The following CYREN variants were observed in gnomAD, a reference collection of about 807,000 sequenced individuals.
The protein encoded by CYREN is cell cycle regulator of non-homologous end joining.
CYREN carries 7 observed loss-of-function variants against 9.7 expected under a neutral mutation model. The observed-to-expected ratio is 0.72, with a 90% confidence interval of 0.41 to 1.36. The LOEUF (loss-of-function observed/expected upper bound fraction) is 1.36, where lower values mean the gene tolerates loss of function less well. Ranked by LOEUF, CYREN falls within the 40% of genes most tolerant of loss-of-function variation. CYREN has a pLI of 0.01. For synonymous variants in CYREN, 76 were observed against 77.9 expected, an observed-to-expected ratio of 0.98 and a Z score of 0.13; for missense variants, 215 against 198.1, an observed-to-expected ratio of 1.09 and a Z score of -0.51.
At chr7:135,160,045 G>A (rs1829888823) in intron 2 of CYREN, among the ~76,000 whole-genome samples, 1 of 152,194 alleles carries the variant, frequency 6.6e-6, no homozygotes, top group Non-Finnish European at 1.5e-5. Context: ...GCTATATGCA[G>A]CCCTTAATGT....
chr7:135,115,269 C>T, intron 2 of CYREN: 1 of 652,364 alleles, frequency 1.5e-6, no homozygotes, highest in Non-Finnish European at 2.6e-6. Flanking sequence ...AAAGTACAAG[C>T]TTCAGATGGG....
chr7:135,111,031 C>T (rs2348275), intron 2 of CYREN, among the ~76,000 whole-genome samples: 144,978 of 152,236 alleles, frequency 0.95, 69,375 homozygotes, highest in Non-Finnish European at 1. Flanking sequence ...CTATTCTAAA[C>T]TTTTTCCTCT....
intron 2 of CYREN, among the ~76,000 whole-genome samples, chr7:135,155,066 A>AT (rs2117439206): frequency 1.3e-5 from 2 of 152,338 alleles, no homozygotes; most frequent in South Asian, 4.1e-4. Flanking sequence ...TGCTGAATTT[A>AT]TCCCTACATC....
chr7:135,092,718 C>A (rs189725170), exon 3 of CYREN: 6 of 151,604 alleles, frequency 4.0e-5, no homozygotes, highest in African/African-American at 1.5e-4. Flanking sequence ...ATTTCAGGGG[C>A]CAAATAAATT....
intron 2 of CYREN, among the ~76,000 whole-genome samples, chr7:135,127,445 C>T (rs1828039516): frequency 6.6e-6 from 1 of 151,700 alleles, no homozygotes; most frequent in Admixed American, 6.6e-5. Flanking sequence ...CCCAGCTACT[C>T]GGGAGGCTGA....
intron 2 of CYREN, among the ~76,000 whole-genome samples, chr7:135,153,788 G>A (rs889235848): frequency 1.3e-5 from 2 of 152,158 alleles, no homozygotes; most frequent in Non-Finnish European, 2.9e-5. Context: ...CAGGGATATT[G>A]GTCTGTGTTT....
rs35119111 is a variant in CYREN, at chr7:135,166,638, T to C, written c.447A>G (p.Lys149=). 6,348 of 1,602,620 alleles carry C rather than the reference T, an allele frequency of 4.0e-3. 217 individuals are homozygous for C. In the African/African-American group the frequency reaches 0.072, roughly 18 times the overall value. The change falls in exon 4 of 4, where the codon AAA becomes AAG. Residue 149 remains lysine (K), a synonymous_variant. Coordinates refer to ENST00000393114, the MANE Select transcript of CYREN (RefSeq NM_024033.4). Reference sequence around the variant, plus strand: ...AGCTGAAAAAGATCTCCCGGACGTATTTCAGCACATCCTCTTCCTCCTCCT... The same window carrying C: ...AGCTGAAAAAGATCTCCCGGACGTACTTCAGCACATCCTCTTCCTCCTCCT... ...PEEEEEEDVL[K]YVREIFFS
chr7:135,139,030 C>T (rs1204426005), intron 2 of CYREN, among the ~76,000 whole-genome samples: 2 of 152,008 alleles, frequency 1.3e-5, no homozygotes, highest in African/African-American at 4.8e-5. Flanking sequence ...GTCTTTGCTA[C>T]TGTGAATAGT....
At chr7:135,121,950 T>A (rs1474966096) in intron 2 of CYREN, among the ~76,000 whole-genome samples, 4 of 152,188 alleles carry the variant, frequency 2.6e-5, no homozygotes, top group African/African-American at 9.7e-5. Context: ...GGGCCTAGCG[T>A]CCCAACCCCA....
chr7:135,131,609 T>C (rs939465168), intron 2 of CYREN, among the ~76,000 whole-genome samples: 2 of 151,416 alleles, frequency 1.3e-5, no homozygotes, highest in Admixed American at 1.3e-4. Flanking sequence ...TGAGAAAACA[T>C]CTGAAATCAA....
chr7:135,170,259 C>G (rs35194502), intron 1 of CYREN: 3,722 of 152,466 alleles, frequency 0.024, 101 homozygotes, highest in Non-Finnish European at 0.035. Flanking sequence ...TCTGGGGCAC[C>G]GCGCTCGCGG....
downstream of CYREN, among the ~76,000 whole-genome samples, chr7:135,162,537 C>T (rs943011884): frequency 7.2e-5 from 11 of 152,284 alleles, no homozygotes; most frequent in African/African-American, 2.6e-4. Context: ...TGGTGAAAGG[C>T]AAAGGAAGAG....
chr7:135,096,711 A>G (rs1161486948), intron 2 of CYREN, among the ~76,000 whole-genome samples: 1 of 149,754 alleles, frequency 6.7e-6, no homozygotes, highest in Non-Finnish European at 1.5e-5. Context: ...AAAAGAGGGA[A>G]GAAAGAAAGA....
intron 2 of CYREN, chr7:135,129,255 T>G: frequency 1.3e-6 from 2 of 1,526,522 alleles, no homozygotes; most frequent in Non-Finnish European, 1.8e-6. Context: ...GGGTATCTGC[T>G]CCAGCTGCAA....
chr7:135,147,372 A>G (rs761230417), intron 2 of CYREN, among the ~76,000 whole-genome samples: 4 of 152,192 alleles, frequency 2.6e-5, no homozygotes, highest in Non-Finnish European at 5.9e-5. Flanking sequence ...AGGAAGCAGA[A>G]GAGAACCGCT....
intron 1 of CYREN, chr7:135,170,426 T>C (rs1446270921): frequency 6.6e-6 from 1 of 152,208 alleles, no homozygotes. Context: ...GGCGGGTGAG[T>C]GCGGAGCGGA....
In CYREN at chr7:135,100,193, T is replaced by TA. The variant is rs373010081; in HGVS notation, n.357-5612dup. ...GAGCCACTGCACCCGAGTTTCTCTT[T>TA]AAAAAAAAAAAAAACACTGGTGGCA... On this transcript the variant is annotated intron_variant and non_coding_transcript_variant, in intron 2 of 2. Transcript: ENST00000459937. 632 of 145,792 alleles carry TA rather than the reference T, an allele frequency of 4.3e-3. 5 individuals are homozygous for TA. The highest frequency in any genetic ancestry group is 0.011 in the Middle Eastern group (3 of 284). 9.0% of individuals were successfully genotyped at this position (145,792 alleles called of 1,614,324 possible). A position where few individuals can be genotyped will look rare whatever the true frequency, so the allele number is the denominator to read the frequency against.
chr7:135,128,358 G>C, intron 2 of CYREN: 1 of 322,816 alleles, frequency 3.1e-6, no homozygotes, highest in Non-Finnish European at 5.7e-6. Context: ...TTTGTAAACT[G>C]TCATGGCCCT....
chr7:135,096,487 G>C (rs1254305363), intron 2 of CYREN, among the ~76,000 whole-genome samples: 1 of 148,566 alleles, frequency 6.7e-6, no homozygotes, highest in Non-Finnish European at 1.5e-5. Flanking sequence ...CAACTAGGAA[G>C]ATACCCAAAA....
Sources: allele counts gnomAD v4.1 joint callset (sites outside exome capture counted in the v4.1 genomes callset), GRCh38; gene constraint gnomAD v4.1.1; transcripts MANE v1.5; gene names NCBI Gene and HGNC (gene_info 2026-07-23, HGNC 2026-07-21).